NMNAT1: variants seen among roughly 807,000 people sequenced by gnomAD.
NMNAT1 encodes the protein nicotinamide/nicotinic acid mononucleotide adenylyltransferase 1.
A neutral mutation model predicts 16.7 loss-of-function variants in NMNAT1; 11 were observed. The ratio of observed to expected loss-of-function variants is 0.66; its 90% confidence interval spans 0.41 to 1.09. NMNAT1 has a LOEUF of 1.09. Ranked by LOEUF, NMNAT1 falls within the 50% of genes least tolerant of loss-of-function variation. NMNAT1 has a pLI of 0.00. For synonymous variants in NMNAT1, 110 were observed against 119.8 expected, an observed-to-expected ratio of 0.92 and a Z score of 0.53; for missense variants, 280 against 332.3, an observed-to-expected ratio of 0.84 and a Z score of 1.22.
the NMNAT1 span, among the ~76,000 whole-genome samples, chr1:9,994,101 CTTTTTTTTTTTTTTTT>C: frequency 4.9e-3 from 522 of 106,198 alleles, 10 homozygotes; most frequent in African/African-American, 0.021. Flanking sequence ...CAAATGTTAG[CTTTTTTTTTTTTTTTT>C]TTTTTTTTTT....
chr1:9,985,735 T>C (rs1053797414), downstream of NMNAT1, among the ~76,000 whole-genome samples: 5 of 152,198 alleles, frequency 3.3e-5, no homozygotes, highest in Non-Finnish European at 5.9e-5. Context: ...CAGTCTCGGC[T>C]CACTGCAACC....
At chr1:9,979,547 T>C (rs1307859828) in intron 3 of NMNAT1, among the ~76,000 whole-genome samples, 1 of 152,098 alleles carries the variant, frequency 6.6e-6, no homozygotes, top group Non-Finnish European at 1.5e-5. Context: ...ACGCCTGTAA[T>C]CCCAGCACTT....
chr1:9,988,093 G>T (rs139490379), downstream of NMNAT1, among the ~76,000 whole-genome samples: 4,640 of 152,038 alleles, frequency 0.031, 108 homozygotes, highest in Non-Finnish European at 0.045. Context: ...CACCTCTCAG[G>T]TTCAAGAAAT....
chr1:9,990,633 A>T, the NMNAT1 span, among the ~76,000 whole-genome samples: 1 of 152,302 alleles, frequency 6.6e-6, no homozygotes, highest in South Asian at 2.1e-4. Flanking sequence ...GAGGGGAGGT[A>T]TGGATGGTGT....
At chr1:9,953,182 C>T (rs1217141691) in intron 1 of NMNAT1, among the ~76,000 whole-genome samples, 2 of 151,462 alleles carry the variant, frequency 1.3e-5, no homozygotes, top group Non-Finnish European at 2.9e-5. Context: ...CGGGGTTTCA[C>T]TGCATTATCC....
the NMNAT1 span, among the ~76,000 whole-genome samples, chr1:9,995,175 T>C: frequency 1.3e-5 from 2 of 152,094 alleles, no homozygotes; most frequent in African/African-American, 4.8e-5. Context: ...GGTTGGAGGG[T>C]TGCTTGAGCC....
At chr1:9,993,865 T>C in the NMNAT1 span, among the ~76,000 whole-genome samples, 1 of 152,160 alleles carries the variant, frequency 6.6e-6, no homozygotes, top group Non-Finnish European at 1.5e-5. Context: ...AAGTTTCAGA[T>C]GCCTTTAAGA....
intron 1 of NMNAT1, among the ~76,000 whole-genome samples, chr1:9,962,265 G>A (rs1478966799): frequency 4.6e-5 from 7 of 151,524 alleles, no homozygotes; most frequent in Non-Finnish European, 7.4e-5. Flanking sequence ...GGCGGATCAC[G>A]AGGTCAGGAG....
chr1:9,972,591 G>A (rs1641714888), intron 2 of NMNAT1: 1 of 158,924 alleles, frequency 6.3e-6, no homozygotes, highest in Non-Finnish European at 1.4e-5. Flanking sequence ...CTGCTCCCTT[G>A]TACAGTGAAT....
upstream of NMNAT1, chr1:9,943,159 A>G: frequency 5.6e-6 from 1 of 178,342 alleles, no homozygotes; most frequent in South Asian, 1.1e-4. Flanking sequence ...TCCGGCACGT[A>G]GGTCCCGCGG....
rs35755485 is a variant in NMNAT1, at chr1:9,949,410, CT to C, written c.-57+5912del. ...ATTTTTACTCTAAAATCTTCCACTGCTTTTTTTTTTTTTTTTTGAGATGGAG... is the reference window on the plus strand; with the variant it reads ...ATTTTTACTCTAAAATCTTCCACTGCTTTTTTTTTTTTTTTTGAGATGGAG... On this transcript the variant is annotated intron_variant, in intron 1 of 4. Coordinates refer to ENST00000377205, the MANE Select transcript of NMNAT1 (RefSeq NM_022787.4). 5.7e-3 allele frequency among the ~76,000 whole-genome samples: 675 copies of C among 118,068 alleles called. 3 individuals are homozygous for C. Among genetic ancestry groups the C allele is most frequent in the African/African-American group, 0.018 (605 of 32,774 alleles). 77.5% of individuals were successfully genotyped at this position (118,068 alleles called of 152,430 possible).
intron 4 of NMNAT1, chr1:9,981,793 T>C (rs902800661): frequency 3.2e-5 from 5 of 154,282 alleles, no homozygotes; most frequent in African/African-American, 4.8e-5. Context: ...CTCTAATCTT[T>C]GAGGTGTCCT....
At chr1:9,955,013 G>T (rs553949038) in intron 1 of NMNAT1, among the ~76,000 whole-genome samples, 56 of 152,212 alleles carry the variant, frequency 3.7e-4, no homozygotes, top group Non-Finnish European at 6.3e-4. Flanking sequence ...GGCCAGGCAC[G>T]CTGGCTCACG....
Position 9,943,506 on chromosome 1 carries a change from T to G in NMNAT1, c.-66T>G, listed in dbSNP as rs1471160637. Reference sequence around the variant, plus strand: ...CGGTAGCACTCGGGCCGGCGGACAGTGAGGGCGCGGTAAGCTCCCCGCAAG... The same window carrying G: ...CGGTAGCACTCGGGCCGGCGGACAGGGAGGGCGCGGTAAGCTCCCCGCAAG... On this transcript the variant is annotated 5_prime_UTR_variant, in exon 1 of 5. Coordinates refer to ENST00000377205, the MANE Select transcript of NMNAT1 (RefSeq NM_022787.4). 6.6e-6 allele frequency: 1 copy of G among 152,330 alleles called. No individual in the cohort carries two copies. The highest frequency in any genetic ancestry group is 2.4e-5 in the African/African-American group (1 of 41,414). The allele number at this position is 152,330 out of a possible 1,614,324, so 9.4% of individuals were successfully genotyped here.
At chr1:9,977,066 C>T (rs1241875995) in intron 3 of NMNAT1, among the ~76,000 whole-genome samples, 1 of 151,634 alleles carries the variant, frequency 6.6e-6, no homozygotes, top group East Asian at 1.9e-4. Context: ...GCCACCACGC[C>T]CGGCTAATTT....
intron 1 of NMNAT1, among the ~76,000 whole-genome samples, chr1:9,964,929 C>CAAAAAAA (rs775381643): frequency 3.0e-5 from 1 of 33,444 alleles, no homozygotes; most frequent in African/African-American, 9.1e-5. Context: ...ACCTGGGCGA[C>CAAAAAAA]AAAAAAAAAA....
intron 1 of NMNAT1, among the ~76,000 whole-genome samples, chr1:9,956,466 A>AGCTGGAGT (rs1396293358): frequency 6.3e-5 from 9 of 142,274 alleles, no homozygotes; most frequent in African/African-American, 2.4e-4. Context: ...CTGTCACTGA[A>AGCTGGAGT]GCTGGAGTGC....
chr1:9,965,129 G>A (rs1287216067), intron 1 of NMNAT1, among the ~76,000 whole-genome samples: 2 of 151,164 alleles, frequency 1.3e-5, no homozygotes, highest in Non-Finnish European at 2.9e-5. Context: ...CCATCCTGGC[G>A]AACATGGTGA....
At chr1:9,949,448 C>T (rs1641057020) in intron 1 of NMNAT1, among the ~76,000 whole-genome samples, 1 of 115,652 alleles carries the variant, frequency 8.6e-6, no homozygotes, top group African/African-American at 3.1e-5. Context: ...TTCACTCTGT[C>T]ACCCAGGCTG....
Sources: gnomAD v4.1 joint callset for allele counts (sites outside exome capture counted in the v4.1 genomes callset) on GRCh38, gnomAD v4.1.1 for gene constraint, MANE v1.5 for transcripts, NCBI Gene and HGNC (gene_info 2026-07-23, HGNC 2026-07-21) for gene names.